ENTREP2: variants seen among roughly 807,000 people sequenced by gnomAD.
ENTREP2 encodes protein ENTREP2.
the ENTREP2 span, among the ~76,000 whole-genome samples, chr15:29,223,933 G>A: frequency 6.6e-6 from 1 of 152,166 alleles, no homozygotes; most frequent in Non-Finnish European, 1.5e-5. Flanking sequence ...CCCGCCCCCA[G>A]CTCGCGCCCA....
At chr15:29,640,321 A>G in the ENTREP2 span, among the ~76,000 whole-genome samples, 1 of 152,180 alleles carries the variant, frequency 6.6e-6, no homozygotes, top group Admixed American at 6.6e-5. Flanking sequence ...GGAAACATAG[A>G]AGATATAAAT....
the ENTREP2 span, among the ~76,000 whole-genome samples, chr15:29,324,081 CA>C: frequency 6.7e-6 from 1 of 149,594 alleles, no homozygotes; most frequent in East Asian, 1.9e-4. Context: ...TGAACAACAA[CA>C]AAAAATGTTA....
chr15:29,209,427 A>G, the ENTREP2 span, among the ~76,000 whole-genome samples: 2 of 152,274 alleles, frequency 1.3e-5, no homozygotes, highest in East Asian at 3.9e-4. Context: ...ACTTCAACCC[A>G]GGAGTGAGAG....
the ENTREP2 span, among the ~76,000 whole-genome samples, chr15:29,529,232 TGA>T: frequency 1.6e-5 from 2 of 122,744 alleles, no homozygotes; most frequent in Non-Finnish European, 3.5e-5. Flanking sequence ...GAGGGGTGTG[TGA>T]GGGTGTGGAG....
At chr15:29,612,879 G>C in the ENTREP2 span, 1 of 152,296 alleles carries the variant, frequency 6.6e-6, no homozygotes, top group Admixed American at 6.5e-5. Flanking sequence ...TGGCAGATAA[G>C]AAAAGAAACA....
the ENTREP2 span, among the ~76,000 whole-genome samples, chr15:29,647,681 T>C: frequency 6.6e-6 from 1 of 152,120 alleles, no homozygotes; most frequent in Non-Finnish European, 1.5e-5. Context: ...TAAATCATGA[T>C]TTAAAGGACA....
chr15:29,382,583 C>G, the ENTREP2 span, among the ~76,000 whole-genome samples: 6,212 of 152,252 alleles, frequency 0.041, 274 homozygotes, highest in African/African-American at 0.11. Flanking sequence ...CTGCCCTTGA[C>G]CTTGCCTGGG....
the ENTREP2 span, among the ~76,000 whole-genome samples, chr15:29,205,095 C>A: frequency 6.6e-5 from 10 of 152,286 alleles, no homozygotes; most frequent in Admixed American, 5.2e-4. Context: ...TTGTGGCTGG[C>A]CTATTTCACT....
chr15:29,482,517 C>T, the ENTREP2 span, among the ~76,000 whole-genome samples: 6 of 152,188 alleles, frequency 3.9e-5, no homozygotes, highest in South Asian at 1.2e-3. Flanking sequence ...CCCCAAACCT[C>T]TGGCAACCAC....
the ENTREP2 span, chr15:29,123,717 C>G: frequency 6.8e-7 from 1 of 1,476,876 alleles, no homozygotes; most frequent in South Asian, 1.3e-5. Flanking sequence ...AACTCAAAAG[C>G]AAAGAAAAGC....
At chr15:29,309,071 TATA>T in the ENTREP2 span, among the ~76,000 whole-genome samples, 1 of 152,190 alleles carries the variant, frequency 6.6e-6, no homozygotes, top group Non-Finnish European at 1.5e-5. Flanking sequence ...ATAAAACATA[TATA>T]AATTGGTGTG....
At chr15:29,435,274 C>A in the ENTREP2 span, among the ~76,000 whole-genome samples, 1 of 152,220 alleles carries the variant, frequency 6.6e-6, no homozygotes, top group Non-Finnish European at 1.5e-5. Context: ...TCCCCACTGG[C>A]TCCGGGGTGG....
At chr15:29,348,849 G>A in the ENTREP2 span, among the ~76,000 whole-genome samples, 1 of 152,142 alleles carries the variant, frequency 6.6e-6, no homozygotes, top group Non-Finnish European at 1.5e-5. Flanking sequence ...TAAGTTAAGC[G>A]GTATAAATGA....
At chr15:29,280,155 C>CTAT in the ENTREP2 span, among the ~76,000 whole-genome samples, 1 of 152,160 alleles carries the variant, frequency 6.6e-6, no homozygotes, top group African/African-American at 2.4e-5. Flanking sequence ...ATGTTCAGTT[C>CTAT]TATTAGATCA....
the ENTREP2 span, among the ~76,000 whole-genome samples, chr15:29,480,841 G>A: frequency 6.6e-6 from 1 of 152,290 alleles, no homozygotes; most frequent in East Asian, 1.9e-4. Context: ...TGAGAGTCTG[G>A]GAGGTAACAG....
the ENTREP2 span, chr15:29,196,304 C>T: frequency 1.1e-6 from 1 of 938,892 alleles, no homozygotes; most frequent in Non-Finnish European, 1.5e-6. Context: ...AAAGATATTC[C>T]CTCTTGCACT....
chr15:29,508,236 C>T, the ENTREP2 span, among the ~76,000 whole-genome samples: 1 of 152,136 alleles, frequency 6.6e-6, no homozygotes, highest in Non-Finnish European at 1.5e-5. Flanking sequence ...ATAACAAGTT[C>T]TGAAATTGAA....
At chr15:29,478,875 T>C in the ENTREP2 span, among the ~76,000 whole-genome samples, 1 of 142,412 alleles carries the variant, frequency 7.0e-6, no homozygotes, top group Non-Finnish European at 1.5e-5. Flanking sequence ...AGACTCTGTC[T>C]CAAAAAAAAT....
the ENTREP2 span, chr15:29,234,261 G>T: frequency 6.2e-7 from 1 of 1,612,576 alleles, no homozygotes; most frequent in Non-Finnish European, 8.5e-7. Flanking sequence ...TCCGCAGAAG[G>T]AGTTTTAAGT....
Sources: gnomAD v4.1 joint callset for allele counts (sites outside exome capture counted in the v4.1 genomes callset) on GRCh38, gnomAD v4.1.1 for gene constraint, MANE v1.5 for transcripts, NCBI Gene and HGNC (gene_info 2026-07-23, HGNC 2026-07-21) for gene names.